PDE8B: variants seen among roughly 807,000 people sequenced by gnomAD.
PDE8B encodes high affinity cAMP-specific and IBMX-insensitive 3',5'-cyclic phosphodiesterase 8B.
A neutral mutation model predicts 101.3 loss-of-function variants in PDE8B; 26 were observed. That is an observed-to-expected ratio of 0.26 (90% CI 0.19 to 0.36). The LOEUF (loss-of-function observed/expected upper bound fraction) is 0.36. PDE8B is among the 10% of genes least tolerant of loss of function. PDE8B has a pLI of 1.00. For missense variants in PDE8B, 810 were observed against 1,163.1 expected (o/e 0.70, Z 4.42); for synonymous variants, 424 against 429.3 (o/e 0.99, Z 0.15).
chr5:77,172,120 G>A, the PDE8B span, among the ~76,000 whole-genome samples: 1 of 152,156 alleles, frequency 6.6e-6, no homozygotes, highest in Non-Finnish European at 1.5e-5. Context: ...CGATTGGATG[G>A]ATAGATGAAT....
intron 10 of PDE8B, among the ~76,000 whole-genome samples, chr5:77,392,955 G>T (rs1790247247): frequency 6.6e-6 from 1 of 152,192 alleles, no homozygotes; most frequent in African/African-American, 2.4e-5. Flanking sequence ...ACTTGAAAGA[G>T]AATTCGTATG....
intron 2 of PDE8B, among the ~76,000 whole-genome samples, chr5:77,324,936 C>T (rs1278945169): frequency 6.6e-6 from 1 of 152,142 alleles, no homozygotes; most frequent in Non-Finnish European, 1.5e-5. Flanking sequence ...CAATCACCAC[C>T]AGAGTGAATG....
chr5:77,332,821 G>C (rs1758371453), intron 5 of PDE8B, among the ~76,000 whole-genome samples: 1 of 140,314 alleles, frequency 7.1e-6, no homozygotes. Context: ...TGGACAAGAA[G>C]AGTAAAACTC....
rs77409057 is a variant in PDE8B, at chr5:77,334,716, C to G, written c.709-2511C>G. ...ACAGGCTCAAAACAACTAAACTTGCCAGAGCTCACACTCATGACAAAGTCC... is the reference window on the plus strand; with the variant it reads ...ACAGGCTCAAAACAACTAAACTTGCGAGAGCTCACACTCATGACAAAGTCC... On this transcript the variant is annotated intron_variant, in intron 5 of 21. Coordinates refer to ENST00000264917, the MANE Select transcript of PDE8B (RefSeq NM_003719.5). Among the ~76,000 whole-genome samples the G allele has an allele frequency of 5.2e-3, 797 of 152,282 alleles. 7 individuals are homozygous for G. Among genetic ancestry groups the G allele is most frequent in the African/African-American group, 0.019 (777 of 41,544 alleles).
intron 10 of PDE8B, among the ~76,000 whole-genome samples, chr5:77,366,274 C>T (rs899579726): frequency 2.0e-5 from 3 of 152,258 alleles, no homozygotes; most frequent in East Asian, 1.9e-4. Context: ...GTCCCTGCGA[C>T]GCTGCACCAC....
chr5:77,331,065 A>G (rs1777024369), intron 4 of PDE8B, among the ~76,000 whole-genome samples: 1 of 152,208 alleles, frequency 6.6e-6, no homozygotes, highest in East Asian at 1.9e-4. Flanking sequence ...TCTCCGAATG[A>G]ACAGTGCACG....
At chr5:77,118,340 C>T in the PDE8B span, 7 of 398,406 alleles carry the variant, frequency 1.8e-5, no homozygotes, top group East Asian at 3.6e-5. Context: ...ATCCTGGTGC[C>T]GAACATGAGG....
chr5:77,417,151 G>T (rs779714657), intron 17 of PDE8B, among the ~76,000 whole-genome samples: 1 of 152,228 alleles, frequency 6.6e-6, no homozygotes, highest in Non-Finnish European at 1.5e-5. Context: ...AATGCAGTTC[G>T]TCAGTTGCAC....
At chr5:77,299,135 C>A (rs921469164) in intron 1 of PDE8B, among the ~76,000 whole-genome samples, 1 of 152,072 alleles carries the variant, frequency 6.6e-6, no homozygotes, top group Non-Finnish European at 1.5e-5. Context: ...CCCCAAGGCC[C>A]GTAAGAAATA....
At chr5:77,244,174 A>G (rs896521499) in intron 1 of PDE8B, among the ~76,000 whole-genome samples, 54 of 152,070 alleles carry the variant, frequency 3.6e-4, no homozygotes, top group African/African-American at 1.2e-3. Flanking sequence ...ATACAAACTA[A>G]TCAGATGGGT....
the PDE8B span, among the ~76,000 whole-genome samples, chr5:77,203,217 T>C: frequency 3.9e-5 from 6 of 152,248 alleles, no homozygotes; most frequent in African/African-American, 1.4e-4. Context: ...AAGCACATTA[T>C]TCTCTCTGGA....
chr5:77,308,768 T>C (rs1224677820), intron 1 of PDE8B, among the ~76,000 whole-genome samples: 1 of 152,136 alleles, frequency 6.6e-6, no homozygotes, highest in African/African-American at 2.4e-5. Context: ...ACTTAAGGAA[T>C]GTTCACAGTC....
At chr5:77,245,163 C>G (rs1756596532) in intron 1 of PDE8B, among the ~76,000 whole-genome samples, 1 of 152,114 alleles carries the variant, frequency 6.6e-6, no homozygotes, top group Non-Finnish European at 1.5e-5. Context: ...AAGTAATGAA[C>G]TAGAACATTG....
intron 10 of PDE8B, among the ~76,000 whole-genome samples, chr5:77,364,778 A>G (rs1258524519): frequency 1.3e-5 from 2 of 152,194 alleles, no homozygotes; most frequent in African/African-American, 4.8e-5. Context: ...AGTGGGTGCC[A>G]TTAGTTCTGC....
chr5:77,209,182 CA>C (rs375088415), upstream of PDE8B, among the ~76,000 whole-genome samples: 3 of 151,486 alleles, frequency 2.0e-5, no homozygotes, highest in Non-Finnish European at 4.4e-5. Flanking sequence ...TTTTTTGTAT[CA>C]AAAAAAGAGA....
chr5:77,228,437 T>C (rs1752889617), intron 1 of PDE8B, among the ~76,000 whole-genome samples: 1 of 152,062 alleles, frequency 6.6e-6, no homozygotes, highest in Non-Finnish European at 1.5e-5. Context: ...CATGGAAGCA[T>C]GAAGGAAGAG....
intron 1 of PDE8B, among the ~76,000 whole-genome samples, chr5:77,287,478 T>C (rs1234735550): frequency 1.3e-5 from 2 of 152,126 alleles, no homozygotes; most frequent in Non-Finnish European, 2.9e-5. Flanking sequence ...CAGTGCTTCT[T>C]GACTTTGCAG....
At chr5:77,281,557 C>G (rs1765004217) in intron 1 of PDE8B, among the ~76,000 whole-genome samples, 1 of 152,172 alleles carries the variant, frequency 6.6e-6, no homozygotes, top group South Asian at 2.1e-4. Context: ...TTATCCCAGT[C>G]TCTGCCTCCA....
intron 5 of PDE8B, among the ~76,000 whole-genome samples, chr5:77,336,837 C>T (rs747723045): frequency 2.6e-5 from 4 of 152,224 alleles, no homozygotes; most frequent in African/African-American, 4.8e-5. Flanking sequence ...AGAGTAGGCT[C>T]TCCCTTCCAA....
Sources: gnomAD v4.1 joint callset for allele counts (sites outside exome capture counted in the v4.1 genomes callset) on GRCh38, gnomAD v4.1.1 for gene constraint, MANE v1.5 for transcripts, NCBI Gene and HGNC (gene_info 2026-07-23, HGNC 2026-07-21) for gene names.